The following TMEM217 variants were observed in gnomAD, a reference collection of about 807,000 sequenced individuals.
TMEM217 encodes chromosome 6 open reading frame 128.
For missense variants in TMEM217, 204 were observed against 248.8 expected (o/e 0.82, Z 1.21); for synonymous variants, 76 against 88.3 (o/e 0.86, Z 0.78).
At chr6:37,218,820 G>A in exon 2 of TMEM217, 1 of 1,614,208 alleles carries the variant, frequency 6.2e-7, no homozygotes, top group Non-Finnish European at 8.5e-7. Context: ...ATGAAAGACA[G>A]GAAGAGGACG....
chr6:37,232,001 A>T (rs1251096464), intron 1 of TMEM217, among the ~76,000 whole-genome samples: 1 of 152,098 alleles, frequency 6.6e-6, no homozygotes, highest in Non-Finnish European at 1.5e-5. Flanking sequence ...TCAAGCTTGC[A>T]TGAATCGAAT....
intron 1 of TMEM217, among the ~76,000 whole-genome samples, chr6:37,226,122 C>T (rs1045286400): frequency 1.3e-5 from 2 of 152,054 alleles, no homozygotes; most frequent in African/African-American, 4.8e-5. Flanking sequence ...TGACTTTGCT[C>T]TTTTGAAGAA....
At chr6:37,256,215 C>T (rs915204773) in intron 1 of TMEM217, among the ~76,000 whole-genome samples, 16 of 152,086 alleles carry the variant, frequency 1.1e-4, no homozygotes, top group African/African-American at 3.6e-4. Context: ...TCAGAGGATA[C>T]CTTTAAGACA....
chr6:37,214,524 G>A (rs1763081967), downstream of TMEM217, among the ~76,000 whole-genome samples: 1 of 152,056 alleles, frequency 6.6e-6, no homozygotes, highest in African/African-American at 2.4e-5. Context: ...ACCATGCCTG[G>A]CCATCTTCAG....
chr6:37,219,022 C>A (rs754316344), exon 2 of TMEM217: 4 of 1,612,422 alleles, frequency 2.5e-6, no homozygotes, highest in Non-Finnish European at 3.4e-6. Context: ...ACCACTGCTG[C>A]TGTTTCATGC....
intron 1 of TMEM217, among the ~76,000 whole-genome samples, chr6:37,245,643 G>C (rs1765019439): frequency 6.6e-6 from 1 of 152,076 alleles, no homozygotes; most frequent in Non-Finnish European, 1.5e-5. Context: ...TTATATCATG[G>C]GCAGCAAAAA....
At chr6:37,247,626 T>C (rs1246049241) in intron 1 of TMEM217, among the ~76,000 whole-genome samples, 1 of 152,098 alleles carries the variant, frequency 6.6e-6, no homozygotes, top group Non-Finnish European at 1.5e-5. Flanking sequence ...GACCTCGTGA[T>C]TCACCCACTT....
chr6:37,252,204 T>C (rs979967202), intron 1 of TMEM217, among the ~76,000 whole-genome samples: 1 of 152,236 alleles, frequency 6.6e-6, no homozygotes, highest in Non-Finnish European at 1.5e-5. Flanking sequence ...GGATTTTACA[T>C]TTTTTAATTG....
At chr6:37,257,851 G>A (rs1443716433) in exon 1 of TMEM217, 8 of 1,561,012 alleles carry the variant, frequency 5.1e-6, no homozygotes, top group Middle Eastern at 3.7e-4. Context: ...CTCAGATTGC[G>A]GGGTCTGGGG....
At chr6:37,217,807 G>T in exon 2 of TMEM217, 1 of 985,396 alleles carries the variant, frequency 1.0e-6, no homozygotes, top group Non-Finnish European at 1.2e-6. Context: ...AAGAGTTGTG[G>T]GTTGAAGGCT....
At chr6:37,229,564 G>A (rs192115346) in intron 1 of TMEM217, among the ~76,000 whole-genome samples, 2 of 151,938 alleles carry the variant, frequency 1.3e-5, no homozygotes, top group South Asian at 4.2e-4. Context: ...GGATGGTCTC[G>A]ATCTCCTGAC....
chr6:37,237,320 C>T (rs986300740), intron 1 of TMEM217, among the ~76,000 whole-genome samples: 5 of 152,174 alleles, frequency 3.3e-5, no homozygotes, highest in African/African-American at 4.8e-5. Context: ...TCTCTGCCTC[C>T]CTCAGTCCTG....
chr6:37,215,598 A>AG (rs1763160009), downstream of TMEM217, among the ~76,000 whole-genome samples: 1 of 135,544 alleles, frequency 7.4e-6, no homozygotes, highest in Non-Finnish European at 1.6e-5. Context: ...AAAAAAAAAA[A>AG]AAAGAAAAGA....
chr6:37,228,262 G>T (rs77871502), intron 1 of TMEM217, among the ~76,000 whole-genome samples: 1 of 152,308 alleles, frequency 6.6e-6, no homozygotes, highest in Non-Finnish European at 1.5e-5. Context: ...AAAGTTACTA[G>T]GGAGTAGTAG....
intron 1 of TMEM217, among the ~76,000 whole-genome samples, chr6:37,256,485 T>G (rs1372950301): frequency 6.6e-6 from 1 of 152,126 alleles, no homozygotes; most frequent in Non-Finnish European, 1.5e-5. Flanking sequence ...AGAGGGGCTT[T>G]TTTTCTCTGG....
intron 1 of TMEM217, among the ~76,000 whole-genome samples, chr6:37,245,060 G>T (rs1764977873): frequency 6.6e-6 from 1 of 152,216 alleles, no homozygotes; most frequent in African/African-American, 2.4e-5. Flanking sequence ...TGCAAGCCAT[G>T]GCTTGGGTAA....
intron 1 of TMEM217, among the ~76,000 whole-genome samples, chr6:37,253,224 T>A (rs994155938): frequency 5.3e-5 from 8 of 152,334 alleles, no homozygotes; most frequent in African/African-American, 1.9e-4. Context: ...CTGCACACCA[T>A]AATTTACATA....
intron 1 of TMEM217, among the ~76,000 whole-genome samples, chr6:37,234,122 G>C (rs1220807421): frequency 7.4e-6 from 1 of 135,854 alleles, no homozygotes; most frequent in African/African-American, 2.8e-5. Flanking sequence ...TTTTTTTTGA[G>C]ATAGTCTTGC....
downstream of TMEM217, among the ~76,000 whole-genome samples, chr6:37,217,048 C>A (rs190259207): frequency 1.9e-4 from 29 of 152,340 alleles, no homozygotes; most frequent in African/African-American, 6.3e-4. Flanking sequence ...ACTCCCAGCA[C>A]TTTGGGAGGC....
Sources: allele counts gnomAD v4.1 joint callset (sites outside exome capture counted in the v4.1 genomes callset), GRCh38; gene constraint gnomAD v4.1.1; transcripts MANE v1.5; gene names NCBI Gene and HGNC (gene_info 2026-07-23, HGNC 2026-07-21).